Variants in SCHIP1 observed in about 807,000 individuals in gnomAD.
SCHIP1 encodes schwannomin interacting protein 1.
In SCHIP1, 8 loss-of-function variants were observed where a neutral mutation model predicts 29.7. That is an observed-to-expected ratio of 0.27 (90% CI 0.16 to 0.49). SCHIP1 has a LOEUF of 0.49. SCHIP1 is among the 20% of genes least tolerant of loss of function. SCHIP1 has a pLI of 0.99. For missense variants in SCHIP1, 193 were observed against 294.6 expected (o/e 0.66, Z 2.52); for synonymous variants, 76 against 94.9 (o/e 0.80, Z 1.16).
the SCHIP1 span, among the ~76,000 whole-genome samples, chr3:159,499,284 C>G: frequency 6.6e-6 from 1 of 152,230 alleles, no homozygotes; most frequent in Admixed American, 6.5e-5. Context: ...AATTCAGGAT[C>G]AGTCACATCT....
chr3:159,675,533 T>C, the SCHIP1 span, among the ~76,000 whole-genome samples: 10 of 152,192 alleles, frequency 6.6e-5, no homozygotes, highest in African/African-American at 2.2e-4. Flanking sequence ...TCTTTGGAGA[T>C]GGTTCCACGA....
At position 159,887,997 on chromosome 3, in the gene SCHIP1, T is replaced by G. The variant is rs1717126280; in HGVS notation, c.465+92T>G. The G allele has an allele frequency of 3.3e-6, 5 of 1,520,710 alleles. No homozygotes were observed. The Admixed American group carries it at 1.0e-4, about 31-fold the overall frequency. The allele number at this position is 1,520,710 out of a possible 1,614,324, so 94.2% of individuals were successfully genotyped here. A position where few individuals can be genotyped will look rare whatever the true frequency, so the allele number is the denominator to read the frequency against. On this transcript the variant is annotated intron_variant, in intron 4 of 6. Transcript: ENST00000445224. Reference sequence around the variant, plus strand: ...CCTTTCCCAGAATTATGCAAACTTGTGTTTCTCTAAGGCGGTTTGTAAAAA... The same window carrying G: ...CCTTTCCCAGAATTATGCAAACTTGGGTTTCTCTAAGGCGGTTTGTAAAAA...
intron 2 of SCHIP1, among the ~76,000 whole-genome samples, chr3:159,872,847 C>G (rs914833756): frequency 6.6e-6 from 1 of 152,186 alleles, no homozygotes; most frequent in Non-Finnish European, 1.5e-5. Flanking sequence ...CTCCCTATCC[C>G]TGTTAGAATT....
chr3:159,330,130 G>A, the SCHIP1 span, among the ~76,000 whole-genome samples: 1 of 152,150 alleles, frequency 6.6e-6, no homozygotes, highest in Non-Finnish European at 1.5e-5. Context: ...ATATGTGGAA[G>A]GGTAAAACCA....
At chr3:159,558,415 T>C in the SCHIP1 span, among the ~76,000 whole-genome samples, 147 of 152,338 alleles carry the variant, frequency 9.6e-4, 1 homozygote, top group East Asian at 2.7e-3. Flanking sequence ...AACCTGCTTC[T>C]TCTAGGACAA....
At chr3:159,557,912 C>T in the SCHIP1 span, among the ~76,000 whole-genome samples, 41 of 152,298 alleles carry the variant, frequency 2.7e-4, no homozygotes, top group Middle Eastern at 6.8e-3. Flanking sequence ...TTCGTGCAAA[C>T]GAGTTTTCCA....
At chr3:159,340,678 C>T in the SCHIP1 span, among the ~76,000 whole-genome samples, 1 of 152,074 alleles carries the variant, frequency 6.6e-6, no homozygotes. Context: ...TTTCACCTCT[C>T]TCTTGGAAAA....
At chr3:159,440,139 C>T in the SCHIP1 span, among the ~76,000 whole-genome samples, 10 of 152,292 alleles carry the variant, frequency 6.6e-5, no homozygotes, top group African/African-American at 1.7e-4. Context: ...GTTCTCCCTG[C>T]ACCATTTATT....
the SCHIP1 span, among the ~76,000 whole-genome samples, chr3:159,440,526 T>C: frequency 2.6e-5 from 4 of 152,202 alleles, no homozygotes; most frequent in Admixed American, 2.0e-4. Flanking sequence ...TGATTTTTAC[T>C]GTGCAACTTG....
the SCHIP1 span, among the ~76,000 whole-genome samples, chr3:159,450,752 C>A: frequency 2.8e-3 from 424 of 150,922 alleles, 1 homozygote; most frequent in Middle Eastern, 0.01. Context: ...TTTACATGAA[C>A]AAAATTATGA....
the SCHIP1 span, among the ~76,000 whole-genome samples, chr3:159,661,329 A>G: frequency 6.7e-6 from 1 of 149,994 alleles, no homozygotes; most frequent in African/African-American, 2.5e-5. Flanking sequence ...TCCATATACT[A>G]AGAACTGACA....
chr3:159,680,772 C>A, the SCHIP1 span, among the ~76,000 whole-genome samples: 24 of 43,978 alleles, frequency 5.5e-4, no homozygotes, highest in African/African-American at 1.5e-3. Context: ...CACCTATGGG[C>A]AAAGTTATTT....
At chr3:159,827,455 A>G in the SCHIP1 span, among the ~76,000 whole-genome samples, 1 of 152,230 alleles carries the variant, frequency 6.6e-6, no homozygotes, top group African/African-American at 2.4e-5. Flanking sequence ...ACATACCAGG[A>G]AAACACATTT....
the SCHIP1 span, among the ~76,000 whole-genome samples, chr3:159,734,785 G>GTCTT: frequency 8.4e-6 from 1 of 119,548 alleles, no homozygotes; most frequent in Non-Finnish European, 1.8e-5. Flanking sequence ...TTCTTTTCTT[G>GTCTT]TCTTTTTTTT....
the SCHIP1 span, among the ~76,000 whole-genome samples, chr3:159,753,318 T>C: frequency 3.9e-5 from 6 of 152,342 alleles, no homozygotes; most frequent in Non-Finnish European, 1.5e-5. Flanking sequence ...GTATGTCTTA[T>C]AACATCTTAG....
chr3:159,330,795 G>A, the SCHIP1 span, among the ~76,000 whole-genome samples: 2 of 152,128 alleles, frequency 1.3e-5, no homozygotes, highest in African/African-American at 4.8e-5. Flanking sequence ...ACAGATCACT[G>A]TTTGAAAAGG....
the SCHIP1 span, among the ~76,000 whole-genome samples, chr3:159,792,868 A>G: frequency 6.6e-6 from 1 of 152,206 alleles, no homozygotes; most frequent in Non-Finnish European, 1.5e-5. Context: ...AGAGTACTGA[A>G]TTAAAATTTT....
the SCHIP1 span, among the ~76,000 whole-genome samples, chr3:159,738,825 T>C: frequency 2.0e-5 from 3 of 152,178 alleles, no homozygotes; most frequent in East Asian, 3.9e-4. Flanking sequence ...TGTGTTTTGC[T>C]CTTTTTTAGG....
At chr3:159,714,806 C>A in the SCHIP1 span, among the ~76,000 whole-genome samples, 1 of 152,230 alleles carries the variant, frequency 6.6e-6, no homozygotes, top group Non-Finnish European at 1.5e-5. Flanking sequence ...TCTGTAGACT[C>A]CACCTCTGGG....
Sources: gnomAD v4.1 joint callset for allele counts (sites outside exome capture counted in the v4.1 genomes callset) on GRCh38, gnomAD v4.1.1 for gene constraint, MANE v1.5 for transcripts, NCBI Gene and HGNC (gene_info 2026-07-23, HGNC 2026-07-21) for gene names.